Variants in ZFAT observed in about 807,000 individuals in gnomAD.
ZFAT encodes the protein zinc finger and AT-hook domain containing.
In ZFAT, 64 loss-of-function variants were observed where a neutral mutation model predicts 117.7. The observed-to-expected ratio is 0.54, with a 90% CI of 0.44 to 0.67. The LOEUF (loss-of-function observed/expected upper bound fraction) is 0.67. ZFAT is among the 30% of genes least tolerant of loss of function. The pLI is 0.00. For synonymous variants in ZFAT, 679 were observed against 615.0 expected (o/e 1.10, Z -1.54); for missense variants, 1,433 against 1,584.5 (o/e 0.90, Z 1.62).
chr8:134,713,024 T>C lies in ZFAT; in HGVS notation c.-161A>G, dbSNP rs1586982593. Reference sequence around the variant, plus strand: ...TATGGCGAATCTGCGGCATCCAACATGGCGGATGGAGTCTTCGCCCTCCTC... The same window carrying C: ...TATGGCGAATCTGCGGCATCCAACACGGCGGATGGAGTCTTCGCCCTCCTC... On this transcript the variant is annotated 5_prime_UTR_variant, in exon 1 of 16. The change abolishes an upstream ATG in the 5' untranslated region. Transcript: ENST00000377838. 1 of 815,274 alleles carries C rather than the reference T, an allele frequency of 1.2e-6. No individual in the cohort carries two copies. The highest frequency in any genetic ancestry group is 1.8e-5 in the African/African-American group (1 of 54,720). The allele number at this position is 815,274 out of a possible 1,614,324, so 50.5% of individuals were successfully genotyped here.
At chr8:134,503,839 C>T (rs1412145389) in intron 15 of ZFAT, among the ~76,000 whole-genome samples, 1 of 152,080 alleles carries the variant, frequency 6.6e-6, no homozygotes, top group Non-Finnish European at 1.5e-5. Context: ...CTCCTGGGAC[C>T]CCAGCTTGCT....
chr8:134,569,819 C>T (rs907956946), intron 10 of ZFAT, among the ~76,000 whole-genome samples: 3 of 152,180 alleles, frequency 2.0e-5, no homozygotes, highest in African/African-American at 7.2e-5. Context: ...ATATTCAGTT[C>T]TAATTAAGCC....
chr8:134,565,972 C>T (rs1824430038), intron 10 of ZFAT, among the ~76,000 whole-genome samples: 1 of 151,810 alleles, frequency 6.6e-6, no homozygotes, highest in Non-Finnish European at 1.5e-5. Flanking sequence ...GGTGAGTCTG[C>T]AGGATGATGG....
Position 134,519,470 on chromosome 8 carries a change from A to G in ZFAT, c.3234+1413T>C, listed in dbSNP as rs542008086. Among the ~76,000 whole-genome samples, 15 of 152,280 alleles carry G rather than the reference A, an allele frequency of 9.9e-5. No homozygotes were observed. In the South Asian group the frequency reaches 3.1e-3, roughly 32 times the overall value. On this transcript the variant is annotated intron_variant, in intron 13 of 15. Coordinates refer to ENST00000377838, the MANE Select transcript of ZFAT (RefSeq NM_020863.4). ...CATATATTAGCATATACATATTCTT[A>G]TATTTACACATATGTGTATACACAT...
chr8:134,498,793 G>A lies in ZFAT; in HGVS notation c.3492+10826C>T, dbSNP rs112827021. ...ACACAGAGCCTGATTTGGTAGGGTC[G>A]GGGTGGAGCTGGGATGCCCCCCGTT... is the stretch of plus-strand genomic sequence containing the variant. On this transcript the variant is annotated intron_variant, in intron 15 of 15. Transcript: ENST00000377838. Among the ~76,000 whole-genome samples, 337 of 44,392 alleles carry A rather than the reference G, an allele frequency of 7.6e-3. 6 individuals are homozygous for A. Among genetic ancestry groups the A allele is most frequent in the African/African-American group, 0.03 (316 of 10,386 alleles). The allele number at this position is 44,392 out of a possible 152,430, so 29.1% of individuals were successfully genotyped here. A position where few individuals can be genotyped will look rare whatever the true frequency, so the allele number is the denominator to read the frequency against.
At chr8:134,533,886 C>T (rs1308143585) in intron 11 of ZFAT, among the ~76,000 whole-genome samples, 1 of 152,230 alleles carries the variant, frequency 6.6e-6, no homozygotes, top group Non-Finnish European at 1.5e-5. Context: ...AAATTCCATG[C>T]CACAGCCCCT....
At position 134,512,571 on chromosome 8, in the gene ZFAT, T is replaced by A; in HGVS notation, c.3265A>T (p.Thr1089Ser). The change falls in exon 14 of 16, where the codon ACC (threonine) becomes TCC (serine). Residue 1089 changes from threonine (T) to serine (S), a missense_variant. Physicochemically the swap from Thr to Ser is moderately conservative, Grantham distance 58 (BLOSUM62 1). This residue lies in a region of ZFAT where 503 missense variants were observed against 543.4 expected (regional missense o/e 0.93). Transcript: ENST00000377838. ...TATEAPEEPS[T>S]QYLHITEAEE... ...GCCTCTGTGATGTGGAGATACTGGG[T>A]GGAGGGCTCCTCAGGAGCTTCTGTT... is the stretch of plus-strand genomic sequence containing the variant. 6.2e-7 allele frequency: 1 copy of A among 1,613,926 alleles called. No individual in the cohort carries two copies. Among genetic ancestry groups the A allele is most frequent in the Non-Finnish European group, 8.5e-7 (1 of 1,179,876 alleles).
At chr8:134,551,956 G>A (rs1230212509) in intron 11 of ZFAT, among the ~76,000 whole-genome samples, 1 of 152,080 alleles carries the variant, frequency 6.6e-6, no homozygotes, top group Non-Finnish European at 1.5e-5. Context: ...AGAGCTTTCT[G>A]GTTGCAACGG....
chr8:134,648,601 C>G (rs2131160951), intron 2 of ZFAT, among the ~76,000 whole-genome samples: 2 of 151,930 alleles, frequency 1.3e-5, no homozygotes, highest in Middle Eastern at 3.4e-3. Context: ...ACTACTGAAC[C>G]TAATTCAAAA....
chr8:134,762,674 A>T, the ZFAT span, among the ~76,000 whole-genome samples: 2,268 of 152,306 alleles, frequency 0.015, 54 homozygotes, highest in African/African-American at 0.052. Context: ...GATTATGTTC[A>T]AATTTATATC....
At chr8:134,600,368 A>G in intron 7 of ZFAT, 68 bp downstream of exon 7, 1 of 1,366,224 alleles carries the variant, frequency 7.3e-7, no homozygotes, top group Non-Finnish European at 1.0e-6. Flanking sequence ...ACCTACATAT[A>G]AGCATAAACT....
At chr8:134,605,815 G>A (rs986577410) in intron 5 of ZFAT, among the ~76,000 whole-genome samples, 4 of 152,122 alleles carry the variant, frequency 2.6e-5, no homozygotes, top group African/African-American at 9.7e-5. Flanking sequence ...GATACAAAAG[G>A]GAATGAAAAC....
chr8:134,747,048 A>G, the ZFAT span, among the ~76,000 whole-genome samples: 1 of 152,174 alleles, frequency 6.6e-6, no homozygotes, highest in Non-Finnish European at 1.5e-5. Flanking sequence ...AGGGATTGAT[A>G]CTATTATAAT....
chr8:134,530,673 A>G (rs1821339021), intron 12 of ZFAT, among the ~76,000 whole-genome samples: 2 of 152,232 alleles, frequency 1.3e-5, no homozygotes, highest in South Asian at 2.1e-4. Context: ...TGCAAATGCT[A>G]CATCTATATA....
At chr8:134,731,000 C>T in the ZFAT span, among the ~76,000 whole-genome samples, 51,896 of 151,918 alleles carry the variant, frequency 0.34, 9,183 homozygotes, top group South Asian at 0.44. Context: ...GCTCTATTGC[C>T]GGAGGTGTCC....
At chr8:134,675,289 C>A (rs1023217094) in intron 1 of ZFAT, among the ~76,000 whole-genome samples, 1 of 151,976 alleles carries the variant, frequency 6.6e-6, no homozygotes, top group African/African-American at 2.4e-5. Flanking sequence ...AAACACAGCA[C>A]GAAAATTTCA....
At chr8:134,682,079 T>A (rs1284639548) in intron 1 of ZFAT, among the ~76,000 whole-genome samples, 2 of 152,128 alleles carry the variant, frequency 1.3e-5, no homozygotes, top group African/African-American at 2.4e-5. Flanking sequence ...ACCAAAACAA[T>A]GGCATTGAAA....
intron 3 of ZFAT, among the ~76,000 whole-genome samples, chr8:134,621,712 G>C (rs1463691196): frequency 6.6e-6 from 1 of 152,160 alleles, no homozygotes. Flanking sequence ...CAATCTCTCA[G>C]ATTAAAGTGA....
chr8:134,717,806 T>G (rs1302057203), upstream of ZFAT, among the ~76,000 whole-genome samples: 1 of 152,050 alleles, frequency 6.6e-6, no homozygotes, highest in Non-Finnish European at 1.5e-5. Context: ...TCAGGCCTCC[T>G]GCCTCAGACT....
Sources: gnomAD v4.1 joint callset for allele counts (sites outside exome capture counted in the v4.1 genomes callset) on GRCh38, gnomAD v4.1.1 for gene constraint, gnomAD v4.1.1 regional missense constraint, MANE v1.5 for transcripts, NCBI Gene and HGNC (gene_info 2026-07-23, HGNC 2026-07-21) for gene names.